The following APCDD1L variants were observed in gnomAD, a reference collection of about 807,000 sequenced individuals.
APCDD1L encodes the protein APC down-regulated 1 like, also known as protein APCDD1-like.
APCDD1L carries 21 observed loss-of-function variants against 24.2 expected under a neutral mutation model. The ratio of observed to expected loss-of-function variants is 0.87; its 90% CI spans 0.61 to 1.25. The LOEUF is 1.25. Ranked by LOEUF, APCDD1L falls within the 50% of genes most tolerant of loss-of-function variation. The pLI, the probability that APCDD1L is intolerant of heterozygous loss-of-function variation, is 0.00. For missense variants in APCDD1L, 704 were observed against 711.7 expected, an observed-to-expected ratio of 0.99 and a Z score of 0.12; for synonymous variants, 321 against 323.6, an observed-to-expected ratio of 0.99 and a Z score of 0.09.
chr20:58,470,730 C>T lies in APCDD1L; in HGVS notation c.67G>A (p.Ala23Thr). 10 of 1,539,526 alleles carry T rather than the reference C, an allele frequency of 6.5e-6. No homozygotes were observed. Among genetic ancestry groups the T allele is most frequent in the Non-Finnish European group, 8.7e-6 (10 of 1,146,580 alleles). The change falls in exon 2 of 4, where the codon GCT becomes ACT. Residue 23 changes from alanine to threonine, a missense_variant. Ala to Thr is a moderately conservative substitution (Grantham distance 58, BLOSUM62 0). Transcript: ENST00000371149. The stretch of plus-strand genomic sequence containing the variant: ...AGGCAGCTGCCCCCGGCCTCCCCAG[C>T]CGCCGGTGCAGTGTGGGCTGCAAAG... The part of the protein sequence containing the change: ...VLLGAHTAPA[A>T]GEAGGSCLRW...
At chr20:58,463,558 T>C (rs1295272157) in intron 3 of APCDD1L, among the ~76,000 whole-genome samples, 1 of 152,198 alleles carries the variant, frequency 6.6e-6, no homozygotes, top group East Asian at 1.9e-4. Flanking sequence ...CCTATTTTAT[T>C]TCTAAAAAAG....
At chr20:58,466,925 C>T (rs549196529) in intron 3 of APCDD1L, among the ~76,000 whole-genome samples, 181 bp downstream of exon 3, 1 of 152,336 alleles carries the variant, frequency 6.6e-6, no homozygotes, top group Non-Finnish European at 1.5e-5. Flanking sequence ...TCTCCAGCTG[C>T]GTGAACAGGG....
intron 1 of APCDD1L, among the ~76,000 whole-genome samples, chr20:58,505,836 A>T (rs181627431): frequency 1.3e-5 from 2 of 152,268 alleles, no homozygotes; most frequent in East Asian, 3.9e-4. Context: ...TGGTGTACTT[A>T]TTAGAAAAGG....
rs566105094 is a variant in APCDD1L, at chr20:58,467,990, G to C, written c.189-332C>G. Among the ~76,000 whole-genome samples, 1 of 151,972 alleles carries C rather than the reference G, an allele frequency of 6.6e-6. No individual in the cohort carries two copies. Among genetic ancestry groups the C allele is most frequent in the Non-Finnish European group, 1.5e-5 (1 of 67,990 alleles). On this transcript the variant is annotated intron_variant, in intron 2 of 3. Coordinates refer to ENST00000371149, the MANE Select transcript of APCDD1L (RefSeq NM_153360.3). This position sits in a 1 kb window ranked among gnomAD's most constrained non-coding sequence, Gnocchi z 5.9. ...GGATGCCCTGCCTGCTTCCTCCCCC[G>C]CTGGACTCTGGGCACCTGGCCCAGA...
chr20:58,462,306 C>G lies in APCDD1L; in HGVS notation c.742-752G>C, dbSNP rs553414413. Among the ~76,000 whole-genome samples, 25 of 152,230 alleles carry G rather than the reference C, an allele frequency of 1.6e-4. No individual in the cohort carries two copies. The South Asian group carries it at 4.8e-3, about 29-fold the overall frequency. ...TGTTATAGCTGAGGGAGCTGAGACCCAGAGGGCCGGCTGGGCTGCCCAGGT... is the reference window on the plus strand; with the variant it reads ...TGTTATAGCTGAGGGAGCTGAGACCGAGAGGGCCGGCTGGGCTGCCCAGGT... On this transcript the variant is annotated intron_variant, in intron 3 of 3. Transcript: ENST00000371149.
intron 1 of APCDD1L, chr20:58,513,773 C>G (rs1278112229): frequency 1.4e-6 from 1 of 696,948 alleles, no homozygotes; most frequent in South Asian, 1.5e-5. Context: ...GCCCATTTGA[C>G]AGGAAAGAAA....
intron 1 of APCDD1L, among the ~76,000 whole-genome samples, chr20:58,492,377 G>A (rs1169141992): frequency 6.6e-6 from 1 of 152,134 alleles, no homozygotes; most frequent in Non-Finnish European, 1.5e-5. Context: ...TAGATGTTAA[G>A]ACACAAGTTG....
At chr20:58,474,626 C>A (rs1282205275) in intron 1 of APCDD1L, among the ~76,000 whole-genome samples, 1 of 152,200 alleles carries the variant, frequency 6.6e-6, no homozygotes, top group Non-Finnish European at 1.5e-5. Flanking sequence ...ATCGCTTGAA[C>A]CCAGGAGGCA....
In APCDD1L at chr20:58,461,084, G is replaced by A. The variant is rs41308717; in HGVS notation, c.1212C>T (p.Ile404=). Residue 404 remains isoleucine (I), a synonymous_variant, in exon 4 of 4, where the codon ATC becomes ATT. Transcript: ENST00000371149. The surrounding 1 kb of genome is among the most constrained non-coding windows in gnomAD (Gnocchi z 6.0). ...TATNGCLPLG[I]RLPHVEYELF... ...GCTCGTACTCCACATGCGGGAGCCGGATGCCCAGCGGTAGGCAGCCGTTGG... is the reference window on the plus strand; with the variant it reads ...GCTCGTACTCCACATGCGGGAGCCGAATGCCCAGCGGTAGGCAGCCGTTGG... 2 of 1,614,050 alleles carry A rather than the reference G, an allele frequency of 1.2e-6. No individual in the cohort carries two copies. Among genetic ancestry groups the A allele is most frequent in the Middle Eastern group, 1.7e-4 (1 of 6,060 alleles).
chr20:58,495,636 G>T (rs1990306910), intron 1 of APCDD1L, among the ~76,000 whole-genome samples: 1 of 152,176 alleles, frequency 6.6e-6, no homozygotes, highest in Non-Finnish European at 1.5e-5. Flanking sequence ...GGTGGCTTTG[G>T]GTAAGAAGCC....
At chr20:58,478,727 C>T (rs1297605479) in intron 1 of APCDD1L, among the ~76,000 whole-genome samples, 3 of 152,032 alleles carry the variant, frequency 2.0e-5, no homozygotes, top group African/African-American at 7.2e-5. Context: ...TTCTCCCACC[C>T]CTCAGGATGT....
rs1362137254 is a variant in APCDD1L at position 58,494,720 on chromosome 20, G to C, written c.49+19939C>G. Among the ~76,000 whole-genome samples, 4 of 152,152 alleles carry C rather than the reference G, an allele frequency of 2.6e-5. No individual in the cohort carries two copies. Among genetic ancestry groups the C allele is most frequent in the Non-Finnish European group, 4.4e-5 (3 of 68,028 alleles). ...ATGCACATTTGATCAAGTCAGTCCTGTTGAAAGCCCCTTCCATTCTGAAGT... is the reference window on the plus strand; with the variant it reads ...ATGCACATTTGATCAAGTCAGTCCTCTTGAAAGCCCCTTCCATTCTGAAGT... On this transcript the variant is annotated intron_variant, in intron 1 of 3. Transcript: ENST00000371149. This position sits in a 1 kb window ranked among gnomAD's most constrained non-coding sequence, Gnocchi z 4.8.
chr20:58,475,690 A>G (rs1220346030), intron 1 of APCDD1L, among the ~76,000 whole-genome samples: 1 of 152,090 alleles, frequency 6.6e-6, no homozygotes, highest in Non-Finnish European at 1.5e-5. Flanking sequence ...GACAAAGACC[A>G]CACGCTGAGT....
chr20:58,501,417 A>ACCACTGAT (rs1007235983), intron 1 of APCDD1L, among the ~76,000 whole-genome samples: 1 of 152,186 alleles, frequency 6.6e-6, no homozygotes, highest in African/African-American at 2.4e-5. Flanking sequence ...ACGGAGAGAC[A>ACCACTGAT]CCACTGATGT....
intron 1 of APCDD1L, among the ~76,000 whole-genome samples, chr20:58,481,671 G>C (rs1038779129): frequency 6.6e-6 from 1 of 152,204 alleles, no homozygotes; most frequent in Non-Finnish European, 1.5e-5. Context: ...GCTTCCACAA[G>C]GGGGCCCTCT....
intron 1 of APCDD1L, among the ~76,000 whole-genome samples, chr20:58,501,269 G>C (rs1465521087): frequency 1.3e-5 from 2 of 152,186 alleles, no homozygotes; most frequent in Non-Finnish European, 2.9e-5. Context: ...TGTTAAAGCT[G>C]TAACCCCCTG....
intron 1 of APCDD1L, among the ~76,000 whole-genome samples, chr20:58,509,166 G>A (rs1464155627): frequency 2.0e-5 from 3 of 152,232 alleles, no homozygotes; most frequent in African/African-American, 2.4e-5. Flanking sequence ...TGAGGGAGTC[G>A]TGCTGCCTAT....
At chr20:58,496,460 TA>T (rs1990324121) in intron 1 of APCDD1L, among the ~76,000 whole-genome samples, 2 of 152,150 alleles carry the variant, frequency 1.3e-5, no homozygotes, top group Non-Finnish European at 2.9e-5. Flanking sequence ...GAAAGACAAA[TA>T]CTGACTCAGT....
chr20:58,484,935 C>T (rs576516459), intron 1 of APCDD1L, among the ~76,000 whole-genome samples: 19 of 147,746 alleles, frequency 1.3e-4, no homozygotes, highest in Non-Finnish European at 2.4e-4. Flanking sequence ...GGTTTCATGC[C>T]GATCTCTGCT....
Sources: gnomAD v4.1 joint callset for allele counts (sites outside exome capture counted in the v4.1 genomes callset) on GRCh38, gnomAD v4.1.1 for gene constraint, Gnocchi (gnomAD v3.1) non-coding constraint, MANE v1.5 for transcripts, NCBI Gene and HGNC (gene_info 2026-07-23, HGNC 2026-07-21) for gene names.